The following GALNT14 variants were observed in gnomAD, a reference collection of about 807,000 sequenced individuals.
The protein encoded by GALNT14 is UDP-GalNAc:polypeptide N-acetylgalactosaminyltransferase 14.
A neutral mutation model predicts 77.5 loss-of-function variants in GALNT14; 60 were observed. The observed-to-expected ratio is 0.77, with a 90% confidence interval of 0.63 to 0.96. The LOEUF (loss-of-function observed/expected upper bound fraction) is 0.96, where lower values mean the gene tolerates loss of function less well. Among genes scored for constraint, GALNT14 ranks in the 40% least tolerant of loss-of-function variants. GALNT14 has a pLI of 0.00. For synonymous variants in GALNT14, 280 were observed against 281.7 expected, an observed-to-expected ratio of 0.99 and a Z score of 0.06; for missense variants, 710 against 731.0, an observed-to-expected ratio of 0.97 and a Z score of 0.33.
At chr2:30,986,186 A>G (rs1481846319) in intron 2 of GALNT14, among the ~76,000 whole-genome samples, 1 of 152,212 alleles carries the variant, frequency 6.6e-6, no homozygotes, top group East Asian at 1.9e-4. Context: ...CGCACTGGAC[A>G]AAGGCTGGGA....
chr2:30,942,400 T>C (rs562300668), intron 8 of GALNT14, 96 bp from the exon 9 acceptor site: 8 of 879,818 alleles, frequency 9.1e-6, no homozygotes, highest in African/African-American at 1.7e-5. Flanking sequence ...CCATTTCCCA[T>C]TTGGGGAAAG....
chr2:30,912,392 A>G (rs1450738287), intron 13 of GALNT14, 50 bp from the exon 14 acceptor site: 5 of 1,603,754 alleles, frequency 3.1e-6, no homozygotes, highest in Non-Finnish European at 2.6e-6. Flanking sequence ...GGAAGCCACC[A>G]CTCGTGGGAT....
intron 1 of GALNT14, among the ~76,000 whole-genome samples, chr2:30,998,627 T>C (rs113134977): frequency 0.022 from 3,352 of 152,288 alleles, 134 homozygotes; most frequent in African/African-American, 0.075. Context: ...GTCATAACTA[T>C]TTACATTTAA....
intron 6 of GALNT14, among the ~76,000 whole-genome samples, chr2:30,947,040 T>A (rs1033833997): frequency 2.0e-5 from 3 of 152,148 alleles, no homozygotes; most frequent in Non-Finnish European, 4.4e-5. Flanking sequence ...ATGAAGAAGC[T>A]TCACCCAGCC....
chr2:30,969,483 C>G (rs1204177098), intron 2 of GALNT14, among the ~76,000 whole-genome samples: 1 of 152,140 alleles, frequency 6.6e-6, no homozygotes. Context: ...GGCCATTTGT[C>G]CTGCCTTGGA....
chr2:31,061,553 C>A (rs1428082008), intron 1 of GALNT14, among the ~76,000 whole-genome samples: 1 of 152,110 alleles, frequency 6.6e-6, no homozygotes, highest in Non-Finnish European at 1.5e-5. Flanking sequence ...TAAAACTGAA[C>A]AATGACCATA....
At chr2:30,915,298 T>C (rs1553335772) in intron 13 of GALNT14, among the ~76,000 whole-genome samples, 1 of 152,180 alleles carries the variant, frequency 6.6e-6, no homozygotes, top group Non-Finnish European at 1.5e-5. Context: ...GCATCTGGTG[T>C]GTCCCCAGGC....
chr2:31,075,166 T>G (rs1249006795), intron 1 of GALNT14, among the ~76,000 whole-genome samples: 1 of 152,206 alleles, frequency 6.6e-6, no homozygotes, highest in Non-Finnish European at 1.5e-5. Context: ...GCTCCTGCTC[T>G]GTGAACAGAG....
intron 1 of GALNT14, among the ~76,000 whole-genome samples, chr2:31,121,793 G>A (rs1434679300): frequency 1.3e-5 from 2 of 152,100 alleles, no homozygotes; most frequent in Non-Finnish European, 1.5e-5. Flanking sequence ...TGGCGTAGAG[G>A]TGCTAGGATA....
At chr2:31,056,075 C>G (rs531206190) in intron 1 of GALNT14, among the ~76,000 whole-genome samples, 7 of 152,350 alleles carry the variant, frequency 4.6e-5, no homozygotes, top group African/African-American at 1.2e-4. Flanking sequence ...TCTCAAACAT[C>G]CGTGTGCCCC....
intron 1 of GALNT14, chr2:31,114,706 G>C (rs749049280): frequency 3.5e-5 from 25 of 712,982 alleles, no homozygotes; most frequent in Admixed American, 2.0e-4. Context: ...AAATACAAAA[G>C]AGACAAGAAT....
At chr2:31,129,295 G>T in intron 1 of GALNT14, 1 of 763,380 alleles carries the variant, frequency 1.3e-6, no homozygotes, top group Non-Finnish European at 1.6e-6. Flanking sequence ...GTCGCAGTAA[G>T]GATCAAATGA....
intron 1 of GALNT14, among the ~76,000 whole-genome samples, chr2:31,089,734 A>G (rs566095584): frequency 6.6e-6 from 1 of 152,186 alleles, no homozygotes; most frequent in Admixed American, 6.5e-5. Context: ...AAAAAGCACC[A>G]GATCTGACAG....
At chr2:31,027,029 T>A (rs1672099624) in intron 1 of GALNT14, among the ~76,000 whole-genome samples, 1 of 152,232 alleles carries the variant, frequency 6.6e-6, no homozygotes, top group Admixed American at 6.5e-5. Flanking sequence ...AAAGGTAAAA[T>A]TCACTGATGC....
intron 1 of GALNT14, among the ~76,000 whole-genome samples, chr2:31,010,414 A>G (rs1398520263): frequency 6.6e-6 from 1 of 152,238 alleles, no homozygotes; most frequent in Non-Finnish European, 1.5e-5. Context: ...CCTGGCTAAC[A>G]CGGTAAAACC....
chr2:31,114,764 G>A (rs1276113154), intron 1 of GALNT14: 1 of 717,378 alleles, frequency 1.4e-6, no homozygotes, highest in African/African-American at 1.7e-5. Context: ...AAAGACCTGA[G>A]TCTGCAAATG....
At chr2:31,015,669 T>C (rs1303232234) in intron 1 of GALNT14, among the ~76,000 whole-genome samples, 3 of 152,218 alleles carry the variant, frequency 2.0e-5, no homozygotes, top group Non-Finnish European at 2.9e-5. Flanking sequence ...CCTATAAGGA[T>C]GTACTGACAA....
At chr2:30,973,645 A>C (rs1558456713) in intron 2 of GALNT14, among the ~76,000 whole-genome samples, 2 of 152,378 alleles carry the variant, frequency 1.3e-5, no homozygotes, top group East Asian at 3.9e-4. Flanking sequence ...AAAGTATGAC[A>C]ACTATAAAAT....
At chr2:30,894,194 A>G in the GALNT14 span, among the ~76,000 whole-genome samples, 1 of 152,092 alleles carries the variant, frequency 6.6e-6, no homozygotes, top group Non-Finnish European at 1.5e-5. Flanking sequence ...GGATAACACC[A>G]CCTTCCTCTC....
Sources: gnomAD v4.1 joint callset for allele counts (sites outside exome capture counted in the v4.1 genomes callset) on GRCh38, gnomAD v4.1.1 for gene constraint, MANE v1.5 for transcripts, NCBI Gene and HGNC (gene_info 2026-07-23, HGNC 2026-07-21) for gene names.